The following SIN3A variants were observed in gnomAD, a reference collection of about 807,000 sequenced individuals.
SIN3A encodes the protein paired amphipathic helix protein Sin3a.
SIN3A carries 14 observed loss-of-function variants against 146.1 expected under a neutral mutation model. That is an observed-to-expected ratio of 0.10 (90% confidence interval 0.06 to 0.15). The LOEUF (loss-of-function observed/expected upper bound fraction) is 0.15, where lower values mean the gene tolerates loss of function less well. Among genes scored for constraint, SIN3A ranks in the 10% least tolerant of loss-of-function variants. The pLI is 1.00. For missense variants in SIN3A, 1,028 were observed against 1,576.0 expected (o/e 0.65, Z 5.89); for synonymous variants, 572 against 572.0 (o/e 1.00, Z 0.00).
chr15:75,401,325 C>A (rs191062603), intron 10 of SIN3A, among the ~76,000 whole-genome samples: 96 of 152,122 alleles, frequency 6.3e-4, no homozygotes, highest in African/African-American at 2.3e-3. Flanking sequence ...GTCAGGAGTT[C>A]TGGACCAGCC....
upstream of SIN3A, chr15:75,455,691 A>T (rs2141660487): frequency 6.6e-6 from 1 of 152,264 alleles, no homozygotes; most frequent in Non-Finnish European, 1.5e-5. Context: ...CGCAGGGCCC[A>T]CACCACGTCG....
intron 2 of SIN3A, among the ~76,000 whole-genome samples, chr15:75,424,565 C>T (rs1024593397): frequency 3.3e-5 from 5 of 152,136 alleles, no homozygotes; most frequent in African/African-American, 1.2e-4. Flanking sequence ...CCTTGACCTC[C>T]CCAGGCTCAG....
intron 1 of SIN3A, among the ~76,000 whole-genome samples, chr15:75,433,094 A>C (rs2074041744): frequency 6.6e-6 from 1 of 152,180 alleles, no homozygotes; most frequent in Admixed American, 6.5e-5. Flanking sequence ...TCAGATGTGA[A>C]GAGCACGGCA....
At position 75,369,731 on chromosome 15, in the gene SIN3A, C is replaced by T. The variant is rs1300243438; in HGVS notation, c.*2248G>A. 6.6e-6 allele frequency: 1 copy of T among 152,248 alleles called. No homozygotes were observed. Among genetic ancestry groups the T allele is most frequent in the Non-Finnish European group, 1.5e-5 (1 of 68,054 alleles). The allele number at this position is 152,248 out of a possible 1,614,324, so 9.4% of individuals were successfully genotyped here. On this transcript the variant is annotated 3_prime_UTR_variant, in exon 21 of 21. Transcript: ENST00000394947. Reference sequence around the variant, plus strand: ...AGCAACAGCTGGGGCTGACCCTGATCACACCCCACCAATTTCCCCTATGGT... The same window carrying T: ...AGCAACAGCTGGGGCTGACCCTGATTACACCCCACCAATTTCCCCTATGGT...
intron 4 of SIN3A, among the ~76,000 whole-genome samples, chr15:75,413,707 C>G (rs577184679): frequency 2.6e-5 from 4 of 152,114 alleles, no homozygotes; most frequent in Non-Finnish European, 5.9e-5. Flanking sequence ...CCATGCCCGG[C>G]TAATTTTTGG....
intron 15 of SIN3A, among the ~76,000 whole-genome samples, chr15:75,391,964 A>G (rs1449263019): frequency 6.6e-6 from 1 of 152,248 alleles, no homozygotes; most frequent in African/African-American, 2.4e-5. Flanking sequence ...GAAATCTGCC[A>G]TTTGAGAAAT....
intron 3 of SIN3A, chr15:75,420,009 C>T (rs2073813267): frequency 6.6e-6 from 1 of 151,798 alleles, no homozygotes; most frequent in Admixed American, 6.6e-5. Flanking sequence ...TTCTAGGTAG[C>T]ACAACTTAAA....
chr15:75,435,965 A>C (rs2074100778), intron 1 of SIN3A, among the ~76,000 whole-genome samples: 1 of 151,756 alleles, frequency 6.6e-6, no homozygotes, highest in South Asian at 2.1e-4. Context: ...GTCTCTACAA[A>C]ATAAAGAAAC....
intron 1 of SIN3A, among the ~76,000 whole-genome samples, chr15:75,432,102 T>G (rs1192879452): frequency 6.6e-6 from 1 of 152,160 alleles, no homozygotes; most frequent in Non-Finnish European, 1.5e-5. Flanking sequence ...CTTTCCTATG[T>G]TTTTCTAGCA....
chr15:75,427,894 C>T (rs953959905), intron 2 of SIN3A, among the ~76,000 whole-genome samples: 2 of 151,758 alleles, frequency 1.3e-5, no homozygotes, highest in African/African-American at 4.8e-5. Context: ...TCACTTGAGC[C>T]CGGGAGGCAG....
upstream of SIN3A, among the ~76,000 whole-genome samples, chr15:75,452,728 C>T (rs2074430274): frequency 6.6e-6 from 1 of 152,210 alleles, no homozygotes; most frequent in Non-Finnish European, 1.5e-5. Context: ...TCACGATCTC[C>T]CGGGTGGATC....
intron 1 of SIN3A, among the ~76,000 whole-genome samples, chr15:75,435,811 T>G (rs562877025): frequency 6.6e-6 from 1 of 152,006 alleles, no homozygotes; most frequent in Admixed American, 6.6e-5. Context: ...TACATTTCAT[T>G]GTATGTAAAA....
rs757388046 is a variant in SIN3A, at chr15:75,394,667, A to AC, written c.2277+12dup. The AC allele has an allele frequency of 1.2e-5, 19 of 1,588,686 alleles. No individual in the cohort carries two copies. The highest frequency in any genetic ancestry group is 1.7e-4 in the Middle Eastern group (1 of 5,952). On this transcript the variant is annotated intron_variant, in intron 14 of 20. Transcript: ENST00000394947. ...CTAGAGTCCTCTCACAGATGCAGAA[A>AC]CCCCCCGCTCACCTCATCATAGATA...
upstream of SIN3A, among the ~76,000 whole-genome samples, chr15:75,452,360 G>A (rs2074424915): frequency 6.6e-6 from 1 of 152,188 alleles, no homozygotes; most frequent in African/African-American, 2.4e-5. Context: ...GATAGGAGGG[G>A]GAGCGGAGCT....
In SIN3A at chr15:75,429,255, T is replaced by C. The variant is rs187219911; in HGVS notation, c.189+932A>G. 3.6e-3 allele frequency among the ~76,000 whole-genome samples: 553 copies of C among 152,084 alleles called. 6 individuals carry two copies. Among genetic ancestry groups the C allele is most frequent in the South Asian group, 7.0e-3 (34 of 4,830 alleles). ...GAGCAACACAGCAACACCTCATCTC[T>C]ACAAAAATCATAAAAATTAGCCAGG... On this transcript the variant is annotated intron_variant, in intron 2 of 20. Coordinates refer to ENST00000394947, the MANE Select transcript of SIN3A (RefSeq NM_001145358.2).
At chr15:75,394,658 G>A (rs1172133939) in intron 14 of SIN3A, 22 bp downstream of exon 14, 1 of 1,582,260 alleles carries the variant, frequency 6.3e-7, no homozygotes, top group Non-Finnish European at 8.6e-7. Context: ...TCCTCTCACA[G>A]ATGCAGAAAC....
intron 2 of SIN3A, among the ~76,000 whole-genome samples, chr15:75,427,273 T>A (rs2073940601): frequency 6.6e-6 from 1 of 152,012 alleles, no homozygotes; most frequent in Non-Finnish European, 1.5e-5. Flanking sequence ...CTCAAGAGGC[T>A]GGGGCATGAG....
upstream of SIN3A, among the ~76,000 whole-genome samples, chr15:75,452,770 GAAAACACCAAAACAGGCCACGGCAT>G (rs1595938420): frequency 6.6e-6 from 1 of 152,196 alleles, no homozygotes; most frequent in Admixed American, 6.5e-5. Flanking sequence ...GAAAGGAGAG[GAAAACACCAAAACAGGCCACGGCAT>G]AAATTAACAT....
At chr15:75,409,739 A>G (rs2073594452) in intron 8 of SIN3A, 97 bp downstream of exon 8, 6 of 1,417,968 alleles carry the variant, frequency 4.2e-6, no homozygotes, top group Non-Finnish European at 5.8e-6. Flanking sequence ...AAAAACAAAA[A>G]AAAACAACAA....
Sources: gnomAD v4.1 joint callset for allele counts (sites outside exome capture counted in the v4.1 genomes callset) on GRCh38, gnomAD v4.1.1 for gene constraint, MANE v1.5 for transcripts, NCBI Gene and HGNC (gene_info 2026-07-23, HGNC 2026-07-21) for gene names.